The following DOCK4 variants were observed in gnomAD, a reference collection of about 807,000 sequenced individuals.
The protein encoded by DOCK4 is dedicator of cytokinesis 4, also known as dedicator of cytokinesis protein 4.
In DOCK4, 97 loss-of-function variants were observed where a neutral mutation model predicts 268.1. That is an observed-to-expected ratio of 0.36 (90% CI 0.31 to 0.43). The LOEUF (loss-of-function observed/expected upper bound fraction) is 0.43. Ranked by LOEUF, DOCK4 falls within the 20% of genes least tolerant of loss-of-function variation. DOCK4 has a pLI of 1.00. For missense variants in DOCK4, 2,145 were observed against 2,455.7 expected (o/e 0.87, Z 2.67); for synonymous variants, 954 against 887.2 (o/e 1.08, Z -1.34).
rs116943108 is a variant in DOCK4, at chr7:112,068,243, T to C, written c.38-64112A>G. Among the ~76,000 whole-genome samples, 1,475 of 152,288 alleles carry C rather than the reference T, an allele frequency of 9.7e-3. 14 individuals carry two copies. Among genetic ancestry groups the C allele is most frequent in the South Asian group, 0.054 (260 of 4,824 alleles). ...CCTTCTGGGTCAGTTTCTTCAACTG[T>C]AAAGTGGTGAGAGTACCTGCATCCC... On this transcript the variant is annotated intron_variant, in intron 1 of 52. Coordinates refer to ENST00000428084, the MANE Select transcript of DOCK4 (RefSeq NM_001363540.2).
At chr7:112,023,714 T>C (rs921820093) in intron 1 of DOCK4, 2 of 435,750 alleles carry the variant, frequency 4.6e-6, no homozygotes, top group Admixed American at 2.6e-5. Context: ...GCTCCATCCC[T>C]GAAAGGGGGT....
chr7:112,202,372 A>G (rs958315096), intron 1 of DOCK4, among the ~76,000 whole-genome samples: 6 of 152,212 alleles, frequency 3.9e-5, no homozygotes. Flanking sequence ...TTGTTTTTAT[A>G]CAGCCATTCT....
chr7:111,908,320 C>A (rs920002091), intron 13 of DOCK4, among the ~76,000 whole-genome samples: 2 of 151,424 alleles, frequency 1.3e-5, no homozygotes, highest in African/African-American at 4.8e-5. Flanking sequence ...TGGTGGCGGG[C>A]GCCTGTAGTC....
chr7:111,767,125 A>G lies in DOCK4; in HGVS notation c.3829-7T>C. ...TAATGCCATTCTCCCAACACTGTGG[A>G]CAAATGAATGAGATCAATGGAACCA... On this transcript the variant is annotated splice_polypyrimidine_tract_variant and splice_region_variant and intron_variant, in intron 37 of 52. Transcript: ENST00000428084. 1 of 1,611,502 alleles carries G rather than the reference A, an allele frequency of 6.2e-7. No homozygotes were observed. Among genetic ancestry groups the G allele is most frequent in the East Asian group, 2.2e-5 (1 of 44,868 alleles).
chr7:112,082,837 A>G (rs935269962), intron 1 of DOCK4, among the ~76,000 whole-genome samples: 1 of 152,140 alleles, frequency 6.6e-6, no homozygotes, highest in Non-Finnish European at 1.5e-5. Context: ...AAAATATATA[A>G]TTTTTTAAAC....
intron 16 of DOCK4, among the ~76,000 whole-genome samples, chr7:111,884,695 A>G (rs1362005984): frequency 6.6e-6 from 1 of 152,160 alleles, no homozygotes; most frequent in Non-Finnish European, 1.5e-5. Flanking sequence ...CAGGGAGCAA[A>G]AGGGATCATG....
At chr7:112,131,224 G>A (rs753231670) in intron 1 of DOCK4, among the ~76,000 whole-genome samples, 2 of 152,186 alleles carry the variant, frequency 1.3e-5, no homozygotes, top group African/African-American at 2.4e-5. Flanking sequence ...CAGCACTTGA[G>A]ATTGTTTTAA....
chr7:112,151,223 C>T (rs752324607), intron 1 of DOCK4, among the ~76,000 whole-genome samples: 1 of 152,072 alleles, frequency 6.6e-6, no homozygotes. Flanking sequence ...GGCATCAGAA[C>T]GGGAGCTGGT....
At chr7:111,767,234 T>G in intron 37 of DOCK4, 116 bp from the exon 38 acceptor site, 1 of 819,312 alleles carries the variant, frequency 1.2e-6, no homozygotes, top group Non-Finnish European at 1.9e-6. Context: ...AATCTTTTTT[T>G]TTTTTTTTTT....
At chr7:112,048,574 A>AC (rs1805059202) in intron 1 of DOCK4, among the ~76,000 whole-genome samples, 1 of 151,706 alleles carries the variant, frequency 6.6e-6, no homozygotes, top group Non-Finnish European at 1.5e-5. Context: ...AAAAAACAAA[A>AC]AAAAACAAAA....
At chr7:111,871,484 C>A (rs902883239) in intron 20 of DOCK4, among the ~76,000 whole-genome samples, 2 of 152,154 alleles carry the variant, frequency 1.3e-5, no homozygotes, top group African/African-American at 4.8e-5. Context: ...GACTAAATTG[C>A]CTGAGGCCAG....
At chr7:112,069,661 A>G (rs1165949058) in intron 1 of DOCK4, among the ~76,000 whole-genome samples, 2 of 152,136 alleles carry the variant, frequency 1.3e-5, no homozygotes, top group Non-Finnish European at 2.9e-5. Flanking sequence ...TGCTGTTACA[A>G]TTAGTGGTGG....
intron 30 of DOCK4, among the ~76,000 whole-genome samples, chr7:111,797,503 G>A (rs1469712193): frequency 6.6e-6 from 1 of 152,126 alleles, no homozygotes; most frequent in Non-Finnish European, 1.5e-5. Context: ...AAAGCAAGCA[G>A]CTGTGCAAGC....
At chr7:111,821,708 G>A (rs1456271689) in intron 27 of DOCK4, 3 of 152,002 alleles carry the variant, frequency 2.0e-5, no homozygotes, top group Non-Finnish European at 4.4e-5. Context: ...AAGTTTCCTC[G>A]GGGCAGTATT....
At chr7:112,165,863 G>C (rs551481434) in intron 1 of DOCK4, among the ~76,000 whole-genome samples, 1 of 151,980 alleles carries the variant, frequency 6.6e-6, no homozygotes, top group East Asian at 1.9e-4. Flanking sequence ...AAACATCCTC[G>C]TCACGTTTCC....
intron 1 of DOCK4, among the ~76,000 whole-genome samples, chr7:112,077,043 G>A (rs545600544): frequency 1.4e-4 from 21 of 152,046 alleles, no homozygotes; most frequent in Non-Finnish European, 2.9e-4. Flanking sequence ...GTCAAAATGG[G>A]AAACAGGGAG....
intron 1 of DOCK4, among the ~76,000 whole-genome samples, chr7:112,055,246 T>C (rs1033702752): frequency 2.0e-5 from 3 of 152,230 alleles, no homozygotes; most frequent in Non-Finnish European, 4.4e-5. Context: ...ATGTGAGCTA[T>C]ACATACATTT....
intron 23 of DOCK4, among the ~76,000 whole-genome samples, chr7:111,859,822 C>T (rs1805351101): frequency 6.6e-6 from 1 of 152,152 alleles, no homozygotes; most frequent in Non-Finnish European, 1.5e-5. Context: ...CCGCCTCGGC[C>T]TCCCAAAGTG....
chr7:112,161,391 T>A (rs893165895), intron 1 of DOCK4, among the ~76,000 whole-genome samples: 4 of 152,028 alleles, frequency 2.6e-5, no homozygotes, highest in Non-Finnish European at 4.4e-5. Flanking sequence ...AGACACATAG[T>A]AATGGGAAGG....
Sources: allele counts gnomAD v4.1 joint callset (sites outside exome capture counted in the v4.1 genomes callset), GRCh38; gene constraint gnomAD v4.1.1; transcripts MANE v1.5; gene names NCBI Gene and HGNC (gene_info 2026-07-23, HGNC 2026-07-21).